The following CLIC5 variants were observed in gnomAD, a reference collection of about 807,000 sequenced individuals.
The protein encoded by CLIC5 is chloride intracellular channel protein 5.
CLIC5 carries 20 observed loss-of-function variants against 24.7 expected under a neutral mutation model. That is an observed-to-expected ratio of 0.81 (90% CI 0.57 to 1.18). The LOEUF is 1.18. Ranked by LOEUF, CLIC5 falls within the 50% of genes most tolerant of loss-of-function variation. CLIC5 has a pLI of 0.00. For synonymous variants in CLIC5, 159 were observed against 135.6 expected (o/e 1.17, Z -1.20); for missense variants, 341 against 326.1 (o/e 1.05, Z -0.35).
Position 45,902,816 on chromosome 6 carries a change from G to C in CLIC5, c.*272C>G, listed in dbSNP as rs1193913087. On this transcript the variant is annotated 3_prime_UTR_variant, in exon 6 of 6. Transcript: ENST00000339561. Reference sequence around the variant, plus strand: ...TCCCATATGTGGGCTCTCCAACACTGACTGACCCCAAACATGCTGAGCCCA... The same window carrying C: ...TCCCATATGTGGGCTCTCCAACACTCACTGACCCCAAACATGCTGAGCCCA... The C allele has an allele frequency of 6.3e-6, 3 of 477,618 alleles. 1 individual carries two copies. The highest frequency in any genetic ancestry group is 1.1e-3 in the Middle Eastern group (2 of 1,784). 29.6% of individuals were successfully genotyped at this position (477,618 alleles called of 1,614,324 possible).
At chr6:45,912,427 G>A in intron 5 of CLIC5, 9 of 1,160,276 alleles carry the variant, frequency 7.8e-6, no homozygotes, top group African/African-American at 1.6e-5. Context: ...CCCAAGGCTT[G>A]GGAGATTCAT....
chr6:46,052,327 T>G (rs1000491848), intron 1 of CLIC5, among the ~76,000 whole-genome samples: 4 of 152,104 alleles, frequency 2.6e-5, no homozygotes, highest in African/African-American at 9.7e-5. Context: ...GCACAATGAT[T>G]GAAATATTAC....
intron 5 of CLIC5, chr6:45,912,688 A>G (rs1022762212): frequency 1.3e-6 from 2 of 1,534,930 alleles, no homozygotes; most frequent in African/African-American, 2.7e-5. Flanking sequence ...TATCACTCTG[A>G]CACAGTGTGA....
At chr6:46,094,464 C>A in the CLIC5 span, among the ~76,000 whole-genome samples, 3 of 152,198 alleles carry the variant, frequency 2.0e-5, no homozygotes, top group Non-Finnish European at 4.4e-5. Context: ...GGGATATAGG[C>A]ATTGGGTAAA....
chr6:46,128,679 C>T, the CLIC5 span, among the ~76,000 whole-genome samples: 1 of 152,174 alleles, frequency 6.6e-6, no homozygotes, highest in African/African-American at 2.4e-5. Flanking sequence ...GACACTGGCC[C>T]ATGATTGCTC....
At chr6:46,035,854 C>T (rs1767643156) in intron 1 of CLIC5, among the ~76,000 whole-genome samples, 1 of 152,054 alleles carries the variant, frequency 6.6e-6, no homozygotes, top group Admixed American at 6.5e-5. Context: ...AACTGATTCT[C>T]CTGCCTCAGC....
rs1460482852 is a variant in CLIC5 at position 46,046,843 on chromosome 6, A to G, written c.540+32860T>C. Reference sequence around the variant, plus strand: ...GTGTGGTGCCCAAGATGGCTCAACCATCATTGATTTGACAATTTAATAATC... The same window carrying G: ...GTGTGGTGCCCAAGATGGCTCAACCGTCATTGATTTGACAATTTAATAATC... On this transcript the variant is annotated intron_variant, in intron 1 of 5. Transcript: ENST00000185206. 2.0e-5 allele frequency among the ~76,000 whole-genome samples: 3 copies of G among 152,218 alleles called. No individual in the cohort carries two copies. The East Asian group carries it at 5.8e-4, about 29-fold the overall frequency.
At chr6:46,122,884 G>T in the CLIC5 span, 2 of 152,204 alleles carry the variant, frequency 1.3e-5, no homozygotes, top group Admixed American at 1.3e-4. Context: ...AAACCAGGAA[G>T]AAGTTGAATC....
In CLIC5 at chr6:45,926,036, A is replaced by G. The variant is rs117906129; in HGVS notation, c.407-11627T>C. ...CAATGGAAACAGAACATGGATAACT[A>G]TCATTGCAAACATCAGTGGGCATGA... is the stretch of plus-strand genomic sequence containing the variant. On this transcript the variant is annotated intron_variant, in intron 4 of 5. Coordinates refer to ENST00000339561, the MANE Select transcript of CLIC5 (RefSeq NM_016929.5). Among the ~76,000 whole-genome samples, 339 of 152,198 alleles carry G rather than the reference A, an allele frequency of 2.2e-3. 2 individuals carry two copies. Among genetic ancestry groups the G allele is most frequent in the East Asian group, 0.017 (90 of 5,166 alleles).
chr6:46,112,249 C>A, the CLIC5 span, among the ~76,000 whole-genome samples: 1 of 152,138 alleles, frequency 6.6e-6, no homozygotes, highest in East Asian at 1.9e-4. Flanking sequence ...TTCTCTGAGG[C>A]CTTCCCCTGT....
the CLIC5 span, among the ~76,000 whole-genome samples, chr6:46,124,210 G>T: frequency 6.6e-6 from 1 of 152,154 alleles, no homozygotes; most frequent in Non-Finnish European, 1.5e-5. Flanking sequence ...AACCAAAACA[G>T]CATGGCACTG....
intron 1 of CLIC5, among the ~76,000 whole-genome samples, chr6:45,994,810 C>T (rs770918549): frequency 1.3e-5 from 2 of 152,088 alleles, no homozygotes; most frequent in Non-Finnish European, 2.9e-5. Flanking sequence ...TTCCTTGACA[C>T]TTCCTATCCT....
At chr6:45,989,254 T>C (rs749391378) in intron 1 of CLIC5, among the ~76,000 whole-genome samples, 24 of 152,172 alleles carry the variant, frequency 1.6e-4, no homozygotes, top group Non-Finnish European at 4.4e-5. Context: ...TTCCTGATTG[T>C]CATCACTAAG....
At chr6:45,924,536 G>T (rs1251429988) in intron 4 of CLIC5, among the ~76,000 whole-genome samples, 1 of 152,076 alleles carries the variant, frequency 6.6e-6, no homozygotes, top group Non-Finnish European at 1.5e-5. Flanking sequence ...CAAATTAAAT[G>T]TGCAATTTTA....
intron 5 of CLIC5, chr6:45,912,607 G>T: frequency 6.8e-7 from 1 of 1,460,730 alleles, no homozygotes; most frequent in Non-Finnish European, 9.2e-7. Context: ...ATTAAATGAT[G>T]TGCCTCAGCT....
At chr6:46,091,527 G>C in the CLIC5 span, among the ~76,000 whole-genome samples, 1 of 152,078 alleles carries the variant, frequency 6.6e-6, no homozygotes, top group African/African-American at 2.4e-5. Context: ...CCTGAGCTCA[G>C]TTGAAGACCA....
At chr6:46,002,203 A>G (rs936452889) in intron 1 of CLIC5, among the ~76,000 whole-genome samples, 4 of 151,980 alleles carry the variant, frequency 2.6e-5, no homozygotes, top group Non-Finnish European at 4.4e-5. Flanking sequence ...ATTTATTGTT[A>G]TATCTCACAT....
At chr6:46,024,258 TCACAG>T (rs780775807) in intron 1 of CLIC5, among the ~76,000 whole-genome samples, 8 of 152,148 alleles carry the variant, frequency 5.3e-5, no homozygotes, top group Non-Finnish European at 8.8e-5. Flanking sequence ...CTTCCTCCAT[TCACAG>T]TACCTTAGGT....
chr6:45,886,598 A>G (rs1762308024), intron 6 of CLIC5, among the ~76,000 whole-genome samples: 1 of 152,354 alleles, frequency 6.6e-6, no homozygotes, highest in African/African-American at 2.4e-5. Context: ...CAAGTGCCCC[A>G]ATGCCAAATC....
Sources: gnomAD v4.1 joint callset for allele counts (sites outside exome capture counted in the v4.1 genomes callset) on GRCh38, gnomAD v4.1.1 for gene constraint, MANE v1.5 for transcripts, NCBI Gene and HGNC (gene_info 2026-07-23, HGNC 2026-07-21) for gene names.